Variants in RPF2 observed in about 807,000 individuals in gnomAD.
RPF2 encodes the protein brix domain containing 1.
Under a neutral mutation model 38.9 loss-of-function variants are expected in RPF2, and 21 were observed. The ratio of observed to expected loss-of-function variants is 0.54; its 90% CI spans 0.38 to 0.78. The LOEUF (loss-of-function observed/expected upper bound fraction) is 0.78. RPF2 is among the 30% of genes least tolerant of loss of function. The pLI is 0.00. For missense variants in RPF2, 314 were observed against 358.1 expected, an observed-to-expected ratio of 0.88 and a Z score of 0.99; for synonymous variants, 121 against 126.2, an observed-to-expected ratio of 0.96 and a Z score of 0.28.
intron 6 of RPF2, among the ~76,000 whole-genome samples, chr6:111,005,008 C>T (rs1771884803): frequency 6.6e-6 from 1 of 151,866 alleles, no homozygotes; most frequent in Non-Finnish European, 1.5e-5. Context: ...TGATGCTGTG[C>T]TTTTTGTTCC....
intron 1 of RPF2, 173 bp downstream of exon 1, chr6:110,982,302 G>A (rs1476157109): frequency 1.4e-6 from 1 of 696,894 alleles, no homozygotes; most frequent in Non-Finnish European, 2.5e-6. Context: ...CCAGGAGACA[G>A]TGGGGAAGCT....
intron 4 of RPF2, among the ~76,000 whole-genome samples, chr6:110,995,716 A>G (rs549701479): frequency 1.3e-5 from 2 of 152,330 alleles, no homozygotes; most frequent in East Asian, 3.9e-4. Flanking sequence ...ATGTAAAAAG[A>G]GCTGTCTAGG....
intron 1 of RPF2, among the ~76,000 whole-genome samples, chr6:110,983,946 G>A (rs1771477786): frequency 6.6e-6 from 1 of 151,952 alleles, no homozygotes; most frequent in East Asian, 1.9e-4. Flanking sequence ...GGAGAATGGC[G>A]TGAACCTGGG....
intron 8 of RPF2, among the ~76,000 whole-genome samples, chr6:111,020,619 G>T (rs978858073): frequency 6.6e-6 from 1 of 152,076 alleles, no homozygotes; most frequent in Non-Finnish European, 1.5e-5. Flanking sequence ...CCAGTACTTT[G>T]GGAGGCCAAG....
rs149427717 is a variant in RPF2, at chr6:111,024,207, C to T, written c.621C>T (p.Cys207=). The T allele has an allele frequency of 6.2e-7, 1 of 1,601,822 alleles. No homozygotes were observed. The highest frequency in any genetic ancestry group is 8.5e-7 in the Non-Finnish European group (1 of 1,177,034). ...GGTTGCTGTTGAAGAAATCTGGTTG[C>T]AGAACACCACGGATTGAATTGGAAG... ...SYKLLLKKSG[C]RTPRIELEEM... Residue 207 remains cysteine (C), a synonymous_variant, in exon 9 of 10, where the codon TGC becomes TGT. Coordinates refer to ENST00000441448, the MANE Select transcript of RPF2 (RefSeq NM_032194.3).
intron 1 of RPF2, among the ~76,000 whole-genome samples, chr6:110,983,741 G>GT (rs560548203): frequency 1.3e-3 from 202 of 152,076 alleles, no homozygotes; most frequent in East Asian, 9.7e-3. Context: ...GATAAGAATT[G>GT]TAACTCGCGC....
chr6:111,004,001 C>T (rs573690981), intron 6 of RPF2, among the ~76,000 whole-genome samples: 4 of 151,626 alleles, frequency 2.6e-5, no homozygotes, highest in South Asian at 4.2e-4. Flanking sequence ...TTAGTAGAGA[C>T]GGAGTTTCAT....
At chr6:110,991,840 G>A in intron 4 of RPF2, 54 bp downstream of exon 4, 1 of 683,346 alleles carries the variant, frequency 1.5e-6, no homozygotes, top group Non-Finnish European at 2.3e-6. Flanking sequence ...TAATTATTCA[G>A]ACTAATTCAT....
chr6:110,985,360 C>T (rs1395676327), intron 2 of RPF2, among the ~76,000 whole-genome samples: 1 of 152,128 alleles, frequency 6.6e-6, no homozygotes, highest in Non-Finnish European at 1.5e-5. Context: ...TTTAGGAGCA[C>T]AGGTGGGTCT....
chr6:111,024,089 T>A (rs1360931698), intron 8 of RPF2, 94 bp from the exon 9 acceptor site: 16 of 1,062,936 alleles, frequency 1.5e-5, no homozygotes, highest in Non-Finnish European at 2.7e-6. Flanking sequence ...TTATATCATT[T>A]AATGGAATTG....
chr6:111,011,308 C>CTTTT (rs113226329), intron 7 of RPF2, among the ~76,000 whole-genome samples: 2 of 88,260 alleles, frequency 2.3e-5, no homozygotes, highest in African/African-American at 4.5e-5. Context: ...TTCTTTCTTT[C>CTTTT]TTTTTTTTTT....
chr6:111,012,202 C>G (rs1274185893), intron 7 of RPF2, among the ~76,000 whole-genome samples: 1 of 140,078 alleles, frequency 7.1e-6, no homozygotes, highest in Non-Finnish European at 1.5e-5. Context: ...GGGTCTCACT[C>G]TGTTGCCCAG....
At chr6:110,987,107 G>A (rs1771538028) in intron 2 of RPF2, among the ~76,000 whole-genome samples, 1 of 151,952 alleles carries the variant, frequency 6.6e-6, no homozygotes, top group Non-Finnish European at 1.5e-5. Context: ...TCACGCTGTT[G>A]CCCAGGCTGA....
intron 8 of RPF2, among the ~76,000 whole-genome samples, chr6:111,018,918 T>C (rs1203254725): frequency 6.6e-6 from 1 of 152,134 alleles, no homozygotes; most frequent in Non-Finnish European, 1.5e-5. Flanking sequence ...AAATCACTAA[T>C]ATAAAAAAGT....
At position 110,982,113 on chromosome 6, in the gene RPF2, A is replaced by C; in HGVS notation, c.7A>C (p.Thr3Pro). The part of the protein sequence containing the change: MD[T>P]LDRVVKPKTK... ...GTTGCAGGTAGCGGTAGCGATGGAC[A>C]CTCTGGATCGAGTAGTGTAAGTGCG... The change falls in exon 1 of 10, where the codon ACT becomes CCT. Residue 3 changes from threonine to proline, a missense_variant. Physicochemically the swap from Thr to Pro is conservative, Grantham distance 38. Transcript: ENST00000441448. 1 of 1,614,112 alleles carries C rather than the reference A, an allele frequency of 6.2e-7. No homozygotes were observed.
intron 3 of RPF2, among the ~76,000 whole-genome samples, chr6:110,989,627 GT>G (rs56989879): frequency 0.074 from 9,147 of 123,240 alleles, 372 homozygotes; most frequent in African/African-American, 0.14. Context: ...TTTTTGTGTG[GT>G]TTTTTTTTTT....
intron 8 of RPF2, 61 bp from the exon 9 acceptor site, chr6:111,024,122 T>C (rs1772281186): frequency 4.2e-6 from 6 of 1,425,580 alleles, no homozygotes; most frequent in African/African-American, 1.4e-5. Flanking sequence ...ACAAAAAATA[T>C]TTGGTGGAGA....
chr6:111,021,777 G>A (rs1409701838), intron 8 of RPF2, among the ~76,000 whole-genome samples: 2 of 152,112 alleles, frequency 1.3e-5, no homozygotes, highest in African/African-American at 4.8e-5. Context: ...GCTATACTGT[G>A]GAACCCTTTC....
At chr6:110,994,732 T>TACACACACACACACAC (rs754731328) in intron 4 of RPF2, among the ~76,000 whole-genome samples, 170 of 101,912 alleles carry the variant, frequency 1.7e-3, no homozygotes, top group African/African-American at 5.4e-3. Context: ...GATGAGTATA[T>TACACACACACACACAC]ATACACACAC....
Sources: allele counts gnomAD v4.1 joint callset (sites outside exome capture counted in the v4.1 genomes callset), GRCh38; gene constraint gnomAD v4.1.1; transcripts MANE v1.5; gene names NCBI Gene and HGNC (gene_info 2026-07-23, HGNC 2026-07-21).